LCMT1: variants seen among roughly 807,000 people sequenced by gnomAD.
LCMT1 encodes the protein leucine carboxyl methyltransferase 1, also known as [Phosphatase 2A protein]-leucine-carboxy methyltransferase 1.
In LCMT1, 32 loss-of-function variants were observed where a neutral mutation model predicts 47.7. The observed-to-expected ratio is 0.67, with a 90% confidence interval of 0.51 to 0.90. The LOEUF (loss-of-function observed/expected upper bound fraction) is 0.90, where lower values mean the gene tolerates loss of function less well. Ranked by LOEUF, LCMT1 falls within the 40% of genes least tolerant of loss-of-function variation. The pLI is 0.00. For missense variants in LCMT1, 375 were observed against 415.2 expected, an observed-to-expected ratio of 0.90 and a Z score of 0.84; for synonymous variants, 152 against 149.7, an observed-to-expected ratio of 1.02 and a Z score of -0.11.
chr16:25,136,335 G>A (rs1000716408), intron 3 of LCMT1, among the ~76,000 whole-genome samples: 1 of 151,802 alleles, frequency 6.6e-6, no homozygotes, highest in Non-Finnish European at 1.5e-5. Flanking sequence ...TCCCAGTCTC[G>A]GTGTCTTCCA....
At chr16:25,127,034 C>A (rs1292742211) in intron 1 of LCMT1, among the ~76,000 whole-genome samples, 1 of 152,028 alleles carries the variant, frequency 6.6e-6, no homozygotes, top group Non-Finnish European at 1.5e-5. Flanking sequence ...AGAGGAAATA[C>A]ATTTTTCATT....
intron 3 of LCMT1, among the ~76,000 whole-genome samples, chr16:25,137,396 T>A (rs900441351): frequency 5.3e-5 from 8 of 152,162 alleles, no homozygotes; most frequent in African/African-American, 1.9e-4. Context: ...GCTATACCTC[T>A]AAGTGTGATC....
chr16:25,115,009 C>T (rs568827942), intron 1 of LCMT1, among the ~76,000 whole-genome samples: 16 of 152,266 alleles, frequency 1.1e-4, no homozygotes, highest in African/African-American at 3.9e-4. Context: ...AGCCTATGCA[C>T]GAGGCACTCA....
At chr16:25,124,044 A>G (rs1960083479) in intron 1 of LCMT1, among the ~76,000 whole-genome samples, 1 of 152,186 alleles carries the variant, frequency 6.6e-6, no homozygotes, top group Non-Finnish European at 1.5e-5. Flanking sequence ...ATTACTGAGT[A>G]TTCTTAGTCC....
chr16:25,167,575 G>A (rs1256805836), intron 7 of LCMT1, among the ~76,000 whole-genome samples: 1 of 151,978 alleles, frequency 6.6e-6, no homozygotes, highest in Non-Finnish European at 1.5e-5. Context: ...GTCTCCCAAA[G>A]CCCTGGGACT....
chr16:25,147,372 G>T (rs1218131527), intron 4 of LCMT1: 7 of 152,228 alleles, frequency 4.6e-5, no homozygotes, highest in African/African-American at 1.7e-4. Flanking sequence ...TCCCCAGGAG[G>T]CCTGCTTAGG....
At chr16:25,156,897 T>C (rs1444977658) in intron 5 of LCMT1, among the ~76,000 whole-genome samples, 3 of 151,442 alleles carry the variant, frequency 2.0e-5, no homozygotes, top group African/African-American at 4.9e-5. Flanking sequence ...AAACTAATCC[T>C]CTGTACAGTC....
At chr16:25,117,868 A>T (rs969328663) in intron 1 of LCMT1, among the ~76,000 whole-genome samples, 162 of 151,808 alleles carry the variant, frequency 1.1e-3, no homozygotes, top group African/African-American at 3.6e-3. Flanking sequence ...AAAAAAAAAA[A>T]TTTGACATCA....
At position 25,164,604 on chromosome 16, in the gene LCMT1, A is replaced by G. The variant is rs1961531264; in HGVS notation, c.576A>G (p.Pro192=). ...TTTTTTCCTTATCTTTAAGATTGCC[A>G]ACACTCCTGATAGCTGAATGTGTGC... ...LKKCNMNTQL[P]TLLIAECVLV... Residue 192 remains proline, a synonymous_variant, in exon 7 of 11, where the codon CCA becomes CCG. Coordinates refer to ENST00000399069, the MANE Select transcript of LCMT1 (RefSeq NM_016309.3). The G allele has an allele frequency of 6.2e-7, 1 of 1,613,804 alleles. No individual in the cohort carries two copies. The highest frequency in any genetic ancestry group is 8.5e-7 in the Non-Finnish European group (1 of 1,179,860).
chr16:25,166,269 C>CAAAA (rs371727353), intron 7 of LCMT1, among the ~76,000 whole-genome samples: 4 of 96,342 alleles, frequency 4.2e-5, no homozygotes, highest in Non-Finnish European at 6.4e-5. Context: ...GACGCCATCT[C>CAAAA]AAAAAAAAAA....
intron 9 of LCMT1, 29 bp from the exon 10 acceptor site, chr16:25,174,908 G>A: frequency 8.1e-7 from 1 of 1,237,290 alleles, no homozygotes; most frequent in Non-Finnish European, 1.2e-6. Flanking sequence ...GCAGACACTT[G>A]CATCGTTCTA....
chr16:25,169,962 A>G (rs1187909606), intron 8 of LCMT1, among the ~76,000 whole-genome samples: 1 of 152,022 alleles, frequency 6.6e-6, no homozygotes, highest in East Asian at 1.9e-4. Context: ...GCTCACACCT[A>G]TAATCCCAGC....
At chr16:25,148,615 A>G (rs1479295887) in intron 4 of LCMT1, 1 of 152,520 alleles carries the variant, frequency 6.6e-6, no homozygotes, top group Non-Finnish European at 1.5e-5. Context: ...GAAGAAGGAA[A>G]AAGACAACAA....
intron 3 of LCMT1, among the ~76,000 whole-genome samples, chr16:25,138,541 GTGTGTGTA>G (rs1276010171): frequency 6.6e-6 from 1 of 152,160 alleles, no homozygotes; most frequent in African/African-American, 2.4e-5. Context: ...GTGGTTGTGT[GTGTGTGTA>G]TGTGTGTCTT....
At chr16:25,121,111 A>G (rs1959973026) in intron 1 of LCMT1, among the ~76,000 whole-genome samples, 2 of 151,238 alleles carry the variant, frequency 1.3e-5, no homozygotes, top group Non-Finnish European at 1.5e-5. Context: ...GTGTTTGCCA[A>G]AGTTGATGAT....
At chr16:25,162,462 C>T (rs143268805) in intron 6 of LCMT1, among the ~76,000 whole-genome samples, 457 of 151,690 alleles carry the variant, frequency 3.0e-3, no homozygotes, top group African/African-American at 9.6e-3. Flanking sequence ...TGGTGGTGGG[C>T]GCCTGTACCC....
intron 7 of LCMT1, 108 bp from the exon 8 acceptor site, chr16:25,169,004 C>A: frequency 1.3e-6 from 1 of 764,830 alleles, no homozygotes; most frequent in Non-Finnish European, 2.2e-6. Flanking sequence ...GCTGGGTGTG[C>A]GTCATCAAGC....
At chr16:25,129,310 AAG>A (rs1261866985) in intron 2 of LCMT1, among the ~76,000 whole-genome samples, 1 of 152,174 alleles carries the variant, frequency 6.6e-6, no homozygotes, top group African/African-American at 2.4e-5. Context: ...AGAAAAAAAA[AAG>A]AACACAATAT....
intron 9 of LCMT1, among the ~76,000 whole-genome samples, chr16:25,173,844 A>T (rs980714789): frequency 8.6e-5 from 13 of 151,600 alleles, no homozygotes; most frequent in African/African-American, 3.2e-4. Context: ...TGCTCCTGGC[A>T]AACAGAAACT....
Sources: allele counts gnomAD v4.1 joint callset (sites outside exome capture counted in the v4.1 genomes callset), GRCh38; gene constraint gnomAD v4.1.1; transcripts MANE v1.5; gene names NCBI Gene and HGNC (gene_info 2026-07-23, HGNC 2026-07-21).